SLC6A13: variants seen among roughly 807,000 people sequenced by gnomAD.
The protein encoded by SLC6A13 is solute carrier family 6 member 13.
SLC6A13 carries 69 observed loss-of-function variants against 72.9 expected under a neutral mutation model. The observed-to-expected ratio is 0.95, with a 90% CI of 0.78 to 1.16. SLC6A13 has a LOEUF of 1.16. Ranked by LOEUF, SLC6A13 falls within the 50% of genes most tolerant of loss-of-function variation. The probability of loss-of-function intolerance (pLI) is 0.00; values close to 1 mark genes in which losing one functional copy is unlikely to be tolerated. For synonymous variants in SLC6A13, 303 were observed against 303.0 expected, an observed-to-expected ratio of 1.00 and a Z score of 0.00; for missense variants, 735 against 760.5, an observed-to-expected ratio of 0.97 and a Z score of 0.39.
intron 6 of SLC6A13, among the ~76,000 whole-genome samples, chr12:236,058 C>A (rs1170788685): frequency 6.6e-6 from 1 of 152,178 alleles, no homozygotes. Flanking sequence ...AATACGTGCA[C>A]CGCTGAACAT....
At chr12:230,703 C>T (rs1670988687) in intron 7 of SLC6A13, among the ~76,000 whole-genome samples, 1 of 152,108 alleles carries the variant, frequency 6.6e-6, no homozygotes, top group African/African-American at 2.4e-5. Context: ...CCCACGCTCC[C>T]CCACATGCTG....
rs149313642 is a variant in SLC6A13, at chr12:250,831, C to A, written c.203-7018G>T. Among the ~76,000 whole-genome samples the A allele has an allele frequency of 8.4e-3, 38 of 4,536 alleles. 8 individuals are homozygous for A. The highest frequency in any genetic ancestry group is 0.034 in the Non-Finnish European group (23 of 686). 3.0% of individuals were successfully genotyped at this position (4,536 alleles called of 152,430 possible). On this transcript the variant is annotated intron_variant, in intron 2 of 14. Transcript: ENST00000343164. ...AAATGATAAGGACCCAAAATAGCCC[C>A]CCAAAAAAAAAAAAAAAAAAACCTA...
intron 7 of SLC6A13, among the ~76,000 whole-genome samples, chr12:230,217 G>A (rs2137267931): frequency 6.6e-6 from 1 of 152,254 alleles, no homozygotes; most frequent in Non-Finnish European, 1.5e-5. Context: ...CCGACCAAGG[G>A]AAAAATAAGT....
chr12:233,615 G>T (rs1026757178), intron 7 of SLC6A13, among the ~76,000 whole-genome samples: 2 of 152,126 alleles, frequency 1.3e-5, no homozygotes, highest in Admixed American at 6.5e-5. Flanking sequence ...CAGATTGAGG[G>T]GTAAGAATTA....
At chr12:262,434 T>C (rs753632231) in intron 1 of SLC6A13, among the ~76,000 whole-genome samples, 2 of 152,236 alleles carry the variant, frequency 1.3e-5, no homozygotes, top group Non-Finnish European at 2.9e-5. Flanking sequence ...ACACACTTAA[T>C]AGAATAACAG....
chr12:227,562 C>T lies in SLC6A13; in HGVS notation c.935+3G>A, dbSNP rs751563561. ...GTGGCTCAGGCCCCACGCCCCCAAT[C>T]ACCTGTAGCAGTTGTTGTGGTACTT... is the stretch of plus-strand genomic sequence containing the variant. On this transcript the variant is annotated splice_donor_region_variant and intron_variant, in intron 8 of 14. Coordinates refer to ENST00000343164, the MANE Select transcript of SLC6A13 (RefSeq NM_016615.5). 3.1e-6 allele frequency: 5 copies of T among 1,613,922 alleles called. No individual in the cohort carries two copies. Among genetic ancestry groups the T allele is most frequent in the Non-Finnish European group, 4.2e-6 (5 of 1,179,912 alleles).
Position 224,419 on chromosome 12 carries a change from G to T in SLC6A13, c.1155C>A (p.Leu385=). 1.9e-6 allele frequency: 3 copies of T among 1,614,082 alleles called. No individual in the cohort carries two copies. The highest frequency in any genetic ancestry group is 2.5e-6 in the Non-Finnish European group (3 of 1,179,950). Residue 385 remains leucine (L), a synonymous_variant, in exon 10 of 15, where the codon CTC becomes CTA. Transcript: ENST00000343164. ...WACCFFFMVV[L]LGLDSQFVCV... ...TTGATACCTGGCTATCCAGTCCCAG[G>T]AGAACGACCATGAAGAAGAAACAGC...
chr12:234,939 G>C, intron 7 of SLC6A13, 151 bp downstream of exon 7: 1 of 827,370 alleles, frequency 1.2e-6, no homozygotes, highest in South Asian at 1.8e-5. Context: ...GCAACAAACA[G>C]ATGTCTAGAG....
chr12:231,211 A>G (rs1032611992), intron 7 of SLC6A13, among the ~76,000 whole-genome samples: 2 of 152,206 alleles, frequency 1.3e-5, no homozygotes, highest in Non-Finnish European at 2.9e-5. Context: ...GGGAGGAGAC[A>G]AGGCCTGGGG....
chr12:252,241 C>T (rs1942580703), intron 2 of SLC6A13, among the ~76,000 whole-genome samples: 1 of 152,122 alleles, frequency 6.6e-6, no homozygotes, highest in Admixed American at 6.5e-5. Flanking sequence ...TAATTATCAA[C>T]ACACTGTATG....
rs1246668453 is a variant in SLC6A13, at chr12:223,153, G to A, written c.1393C>T (p.Leu465Phe). Residue 465 changes from leucine (L) to phenylalanine (F), a missense_variant, in exon 12 of 15, where the codon CTC (leucine) becomes TTC (phenylalanine). Coordinates refer to ENST00000343164, the MANE Select transcript of SLC6A13 (RefSeq NM_016615.5). ...CLLFVAIFESLCVAWVYGAKR... is the reference protein window; with the variant it reads ...CLLFVAIFESFCVAWVYGAKR... Reference sequence around the variant, plus strand: ...TCACCGTAAACCCAAGCCACACAGAGGGACTCGAAGATGGCCACGAACAGG... The same window carrying A: ...TCACCGTAAACCCAAGCCACACAGAAGGACTCGAAGATGGCCACGAACAGG... 2.5e-6 allele frequency: 4 copies of A among 1,613,016 alleles called. No individual in the cohort carries two copies. Among genetic ancestry groups the A allele is most frequent in the Non-Finnish European group, 3.4e-6 (4 of 1,178,986 alleles).
Position 254,977 on chromosome 12 carries a change from T to G in SLC6A13, c.202+4874A>C, listed in dbSNP as rs1942689255. On this transcript the variant is annotated intron_variant, in intron 2 of 14. Coordinates refer to ENST00000343164, the MANE Select transcript of SLC6A13 (RefSeq NM_016615.5). The surrounding 1 kb of genome is among the most constrained non-coding windows in gnomAD (Gnocchi z 4.4). ...GCCTGGCCAACATGGCGAAACCCCCTCTCTATTAAAAACAACAACAACAAC... is the reference window on the plus strand; with the variant it reads ...GCCTGGCCAACATGGCGAAACCCCCGCTCTATTAAAAACAACAACAACAAC... 6.6e-6 allele frequency among the ~76,000 whole-genome samples: 1 copy of G among 151,904 alleles called. No homozygotes were observed. Among genetic ancestry groups the G allele is most frequent in the Non-Finnish European group, 1.5e-5 (1 of 67,982 alleles).
At chr12:243,592 G>T in intron 3 of SLC6A13, 87 bp downstream of exon 3, 1 of 1,350,020 alleles carries the variant, frequency 7.4e-7, no homozygotes, top group Non-Finnish European at 1.0e-6. Context: ...CTTAACCTCA[G>T]AACTGCTACT....
intron 2 of SLC6A13, among the ~76,000 whole-genome samples, chr12:255,162 G>C (rs74707014): frequency 0.01 from 1,566 of 152,268 alleles, 11 homozygotes; most frequent in Non-Finnish European, 0.017. Flanking sequence ...ATCTCATCGC[G>C]GGGGCTCTAG....
At position 220,935 on chromosome 12, in the gene SLC6A13, A is replaced by T. The variant is rs764056223; in HGVS notation, c.*13T>A. ...AAGGCCAGGCACACAGGCACCATCC[A>T]AGGGCCTGCCCCCTAGCAGTGAGAC... is the stretch of plus-strand genomic sequence containing the variant. On this transcript the variant is annotated 3_prime_UTR_variant, in exon 15 of 15. Transcript: ENST00000343164. 34 of 1,611,416 alleles carry T rather than the reference A, an allele frequency of 2.1e-5. No homozygotes were observed. The highest frequency in any genetic ancestry group is 2.9e-5 in the Non-Finnish European group (34 of 1,179,810).
At chr12:224,357 C>G (rs368158572) in intron 10 of SLC6A13, 44 bp downstream of exon 10, 4 of 1,520,506 alleles carry the variant, frequency 2.6e-6, no homozygotes, top group Non-Finnish European at 3.7e-6. Flanking sequence ...CAGCACACAC[C>G]CCCCCACTCA....
chr12:257,591 G>A (rs567981142), intron 2 of SLC6A13, among the ~76,000 whole-genome samples: 16 of 152,218 alleles, frequency 1.1e-4, no homozygotes, highest in South Asian at 8.3e-4. Context: ...CACAGCCGCC[G>A]CCCTGCTGCC....
intron 8 of SLC6A13, 132 bp from the exon 9 acceptor site, chr12:226,646 G>A: frequency 8.6e-7 from 1 of 1,163,058 alleles, no homozygotes; most frequent in Non-Finnish European, 1.2e-6. Context: ...CGCCGGAGCA[G>A]GGCTACCTGG....
rs1942205998 is a variant in SLC6A13 at position 242,628 on chromosome 12, T to C, written c.464A>G (p.His155Arg). ...TIDLPWGGCYHEWNTEHCMEF... is the reference protein window; with the variant it reads ...TIDLPWGGCYREWNTEHCMEF... ...GAGGACCATACCTGTGTTCCACTCATGGTAGCAGCCGCCCCAGGGCAGGTC... is the reference window on the plus strand; with the variant it reads ...GAGGACCATACCTGTGTTCCACTCACGGTAGCAGCCGCCCCAGGGCAGGTC... Residue 155 changes from histidine to arginine, a missense_variant, in exon 4 of 15, where the codon CAT becomes CGT. His to Arg is a conservative substitution (Grantham distance 29). Transcript: ENST00000343164. 6.2e-7 allele frequency: 1 copy of C among 1,613,808 alleles called. No homozygotes were observed. Among genetic ancestry groups the C allele is most frequent in the Non-Finnish European group, 8.5e-7 (1 of 1,179,848 alleles).
Sources: allele counts gnomAD v4.1 joint callset (sites outside exome capture counted in the v4.1 genomes callset), GRCh38; gene constraint gnomAD v4.1.1; non-coding constraint Gnocchi (gnomAD v3.1); transcripts MANE v1.5; gene names NCBI Gene and HGNC (gene_info 2026-07-23, HGNC 2026-07-21).